AP2B1: variants seen among roughly 807,000 people sequenced by gnomAD.
The protein encoded by AP2B1 is AP-2 complex subunit beta.
AP2B1 carries 23 observed loss-of-function variants against 102.0 expected under a neutral mutation model. That is an observed-to-expected ratio of 0.23 (90% CI 0.16 to 0.32). AP2B1 has a LOEUF of 0.32. AP2B1 is among the 10% of genes least tolerant of loss of function. The probability of loss-of-function intolerance (pLI) is 1.00; values close to 1 mark genes in which losing one functional copy is unlikely to be tolerated. For missense variants in AP2B1, 541 were observed against 1,157.4 expected, an observed-to-expected ratio of 0.47 and a Z score of 7.73; for synonymous variants, 381 against 421.2, an observed-to-expected ratio of 0.90 and a Z score of 1.17.
chr17:35,615,125 C>G (rs1341550446), intron 5 of AP2B1, among the ~76,000 whole-genome samples: 1 of 152,112 alleles, frequency 6.6e-6, no homozygotes, highest in Non-Finnish European at 1.5e-5. Context: ...TTGTGAAACC[C>G]TGGATTATGG....
At chr17:35,608,457 T>C (rs575830976) in intron 5 of AP2B1, 70 bp downstream of exon 5, 4 of 1,568,688 alleles carry the variant, frequency 2.5e-6, no homozygotes, top group African/African-American at 2.7e-5. Flanking sequence ...GTGTTTAATA[T>C]GAACCTTGTC....
chr17:35,638,649 C>T (rs995120316), intron 10 of AP2B1, among the ~76,000 whole-genome samples: 11 of 151,830 alleles, frequency 7.2e-5, no homozygotes, highest in Non-Finnish European at 1.5e-4. Context: ...ATTAGCCAGG[C>T]GTGGTGGCGG....
At chr17:35,595,411 G>T (rs2073235499) in intron 2 of AP2B1, among the ~76,000 whole-genome samples, 1 of 152,220 alleles carries the variant, frequency 6.6e-6, no homozygotes, top group African/African-American at 2.4e-5. Flanking sequence ...GCCCTGTACG[G>T]TGGTGCACAC....
Position 35,644,345 on chromosome 17 carries a change from A to G in AP2B1, c.1536+2370A>G, listed in dbSNP as rs1365098498. Among the ~76,000 whole-genome samples the G allele has an allele frequency of 5.9e-5, 9 of 152,166 alleles. No individual in the cohort carries two copies. In the East Asian group the frequency reaches 9.6e-4, roughly 16 times the overall value. On this transcript the variant is annotated intron_variant, in intron 12 of 21. Coordinates refer to ENST00000610402, the MANE Select transcript of AP2B1 (RefSeq NM_001030006.2). ...GCTAGTTTTAAGGTCTTTGTGGATG[A>G]TTATTTCATACTATAAATAATAAGC...
chr17:35,689,916 C>T (rs226089), intron 18 of AP2B1, among the ~76,000 whole-genome samples: 132,471 of 152,236 alleles, frequency 0.87, 58,048 homozygotes, highest in African/African-American at 0.97. Flanking sequence ...GGCTATTATG[C>T]ATGTAGTTGT....
chr17:35,593,149 T>C (rs2073155608), intron 1 of AP2B1, among the ~76,000 whole-genome samples: 1 of 152,222 alleles, frequency 6.6e-6, no homozygotes. Context: ...GGGCTAAATC[T>C]GGATTGTTGG....
intron 9 of AP2B1, among the ~76,000 whole-genome samples, chr17:35,633,330 G>C (rs1001011998): frequency 6.8e-6 from 1 of 147,828 alleles, no homozygotes; most frequent in African/African-American, 2.5e-5. Context: ...ACTGCACTCA[G>C]CCTGGTCACA....
chr17:35,715,842 G>A (rs1324513244), intron 20 of AP2B1, among the ~76,000 whole-genome samples: 1 of 152,190 alleles, frequency 6.6e-6, no homozygotes, highest in East Asian at 1.9e-4. Flanking sequence ...GAAAAGCTAA[G>A]TAATAACTAA....
chr17:35,646,394 AG>A (rs201929712), intron 12 of AP2B1, among the ~76,000 whole-genome samples: 1 of 35,154 alleles, frequency 2.8e-5, no homozygotes, highest in Non-Finnish European at 4.7e-5. Flanking sequence ...GAGTTTGAGC[AG>A]TTAGGAGATT....
At chr17:35,717,512 C>T (rs1424726959) in intron 21 of AP2B1, among the ~76,000 whole-genome samples, 163 bp downstream of exon 21, 1 of 152,156 alleles carries the variant, frequency 6.6e-6, no homozygotes, top group Non-Finnish European at 1.5e-5. Context: ...AATGGAAGAC[C>T]TCCTCTCTGC....
chr17:35,596,244 C>T (rs2073268341), intron 2 of AP2B1, among the ~76,000 whole-genome samples: 1 of 152,102 alleles, frequency 6.6e-6, no homozygotes, highest in African/African-American at 2.4e-5. Flanking sequence ...TTCACTGTTC[C>T]CGGAAGTGAA....
At chr17:35,612,289 C>G (rs78270565) in intron 5 of AP2B1, among the ~76,000 whole-genome samples, 2,773 of 152,162 alleles carry the variant, frequency 0.018, 32 homozygotes, top group Middle Eastern at 0.072. Context: ...AACAGAGTGC[C>G]TCCTTAGTTT....
chr17:35,593,073 T>C (rs1439838887), intron 1 of AP2B1, among the ~76,000 whole-genome samples: 4 of 152,224 alleles, frequency 2.6e-5, no homozygotes, highest in Non-Finnish European at 5.9e-5. Context: ...TTCTCGTGTC[T>C]GAACGGATGT....
intron 10 of AP2B1, among the ~76,000 whole-genome samples, chr17:35,638,287 ATACT>A (rs2074667662): frequency 1.3e-5 from 2 of 152,246 alleles, no homozygotes; most frequent in Admixed American, 1.3e-4. Flanking sequence ...AAGTAGGCAG[ATACT>A]TAGTTAAGTG....
chr17:35,689,427 T>C (rs183914612), intron 18 of AP2B1, among the ~76,000 whole-genome samples: 184 of 152,288 alleles, frequency 1.2e-3, no homozygotes, highest in African/African-American at 4.4e-3. Context: ...TGATCCGCCC[T>C]TGTGGGATTA....
intron 20 of AP2B1, 88 bp downstream of exon 20, chr17:35,710,408 A>G: frequency 1.1e-6 from 1 of 873,748 alleles, no homozygotes; most frequent in Non-Finnish European, 1.8e-6. Context: ...CTACCCTTTT[A>G]TCCTCCCCCG....
At chr17:35,650,831 G>A (rs370102972) in intron 13 of AP2B1, 42 bp downstream of exon 13, 1 of 1,598,072 alleles carries the variant, frequency 6.3e-7, no homozygotes, top group East Asian at 2.2e-5. Flanking sequence ...AATGACTCTT[G>A]TTTAGACAGC....
At chr17:35,593,753 A>T (rs981663083) in intron 1 of AP2B1, among the ~76,000 whole-genome samples, 4 of 152,228 alleles carry the variant, frequency 2.6e-5, no homozygotes, top group Non-Finnish European at 5.9e-5. Context: ...CTGTGGATAA[A>T]ATCACAAAGC....
intron 4 of AP2B1, among the ~76,000 whole-genome samples, chr17:35,607,062 C>T (rs1332555654): frequency 6.6e-6 from 1 of 152,142 alleles, no homozygotes; most frequent in Non-Finnish European, 1.5e-5. Context: ...TGCACCACCA[C>T]ACCTGGCTAA....
Sources: allele counts gnomAD v4.1 joint callset (sites outside exome capture counted in the v4.1 genomes callset), GRCh38; gene constraint gnomAD v4.1.1; transcripts MANE v1.5; gene names NCBI Gene and HGNC (gene_info 2026-07-23, HGNC 2026-07-21).